The following HYCC1 variants were observed in gnomAD, a reference collection of about 807,000 sequenced individuals.
HYCC1 encodes hyccin PI4KA lipid kinase complex subunit 1, also known as hyccin.
the HYCC1 span, among the ~76,000 whole-genome samples, chr7:22,923,198 T>C: frequency 6.6e-6 from 1 of 152,136 alleles, no homozygotes; most frequent in Non-Finnish European, 1.5e-5. Flanking sequence ...AGGACATACA[T>C]AATACAAAGT....
At chr7:22,927,850 C>T in the HYCC1 span, among the ~76,000 whole-genome samples, 3 of 152,170 alleles carry the variant, frequency 2.0e-5, no homozygotes, top group Admixed American at 6.5e-5. Flanking sequence ...CCAGCATCAT[C>T]CTGATACCAA....
At chr7:22,913,906 G>T in the HYCC1 span, among the ~76,000 whole-genome samples, 6 of 152,198 alleles carry the variant, frequency 3.9e-5, no homozygotes, top group Non-Finnish European at 7.3e-5. Flanking sequence ...TCCATGAGGA[G>T]ATCCACCTAT....
the HYCC1 span, among the ~76,000 whole-genome samples, chr7:22,987,411 G>A: frequency 6.6e-6 from 1 of 152,196 alleles, no homozygotes; most frequent in Non-Finnish European, 1.5e-5. Flanking sequence ...AGCTGGGCAT[G>A]GTGGTGCACA....
chr7:22,978,248 T>G, the HYCC1 span: 1 of 1,610,232 alleles, frequency 6.2e-7, no homozygotes, highest in Non-Finnish European at 8.5e-7. Flanking sequence ...AAAGATTTTG[T>G]TAACTCCATT....
the HYCC1 span, among the ~76,000 whole-genome samples, chr7:22,930,786 T>C: frequency 6.6e-6 from 1 of 152,128 alleles, no homozygotes; most frequent in Non-Finnish European, 1.5e-5. Context: ...TTTTACACCA[T>C]TACCAAGTGG....
chr7:22,977,981 TAAGTTTACAAAATTTAAAATGC>T, the HYCC1 span, among the ~76,000 whole-genome samples: 1 of 152,198 alleles, frequency 6.6e-6, no homozygotes, highest in African/African-American at 2.4e-5. Context: ...CAATGGACTT[TAAGTTTACAAAATTTAAAATGC>T]AACACTGATA....
At chr7:22,923,931 C>CTTTCCTTG in the HYCC1 span, among the ~76,000 whole-genome samples, 129 of 143,316 alleles carry the variant, frequency 9.0e-4, no homozygotes, top group African/African-American at 3.1e-3. Flanking sequence ...CCCAGGCAGG[C>CTTTCCTTG]AGATCACTTG....
At chr7:22,947,066 G>A in the HYCC1 span, 1 of 1,550,330 alleles carries the variant, frequency 6.5e-7, no homozygotes, top group South Asian at 1.2e-5. Flanking sequence ...GCAAGCCTTT[G>A]CTCTCAGTTC....
At chr7:22,976,058 T>G in the HYCC1 span, 13 of 626,470 alleles carry the variant, frequency 2.1e-5, no homozygotes, top group Non-Finnish European at 3.7e-5. Context: ...TATAGGGAAC[T>G]TTCCATGTGT....
the HYCC1 span, among the ~76,000 whole-genome samples, chr7:22,911,174 A>C: frequency 2.0e-5 from 3 of 152,190 alleles, no homozygotes; most frequent in Non-Finnish European, 2.9e-5. Context: ...ACAAATACTG[A>C]AATTGGACCT....
At chr7:22,965,457 C>T in the HYCC1 span, among the ~76,000 whole-genome samples, 3,044 of 146,898 alleles carry the variant, frequency 0.021, 61 homozygotes, top group East Asian at 0.11. Flanking sequence ...TTTCAAGAAA[C>T]TACCATAAAC....
the HYCC1 span, among the ~76,000 whole-genome samples, chr7:22,920,918 G>C: frequency 6.6e-6 from 1 of 152,028 alleles, no homozygotes; most frequent in Non-Finnish European, 1.5e-5. Context: ...GTGAGATCTG[G>C]TTGCTTAAAA....
the HYCC1 span, among the ~76,000 whole-genome samples, chr7:22,901,388 T>A: frequency 6.6e-6 from 1 of 151,960 alleles, no homozygotes; most frequent in Non-Finnish European, 1.5e-5. Context: ...AGCCCTGACA[T>A]ATCAATAATT....
the HYCC1 span, among the ~76,000 whole-genome samples, chr7:22,901,747 T>C: frequency 1.3e-5 from 2 of 152,056 alleles, no homozygotes; most frequent in Non-Finnish European, 2.9e-5. Flanking sequence ...ATTATAAATA[T>C]GTGCCTAATA....
At chr7:22,956,374 T>C in the HYCC1 span, among the ~76,000 whole-genome samples, 3 of 151,892 alleles carry the variant, frequency 2.0e-5, no homozygotes, top group African/African-American at 7.2e-5. Context: ...ACATATTTAC[T>C]GACATAAAAT....
chr7:22,917,686 G>A, the HYCC1 span, among the ~76,000 whole-genome samples: 8 of 152,224 alleles, frequency 5.3e-5, no homozygotes, highest in African/African-American at 7.2e-5. Flanking sequence ...GTCTGATAAC[G>A]GATTGGCCTT....
chr7:22,952,788 G>C, the HYCC1 span, among the ~76,000 whole-genome samples: 2 of 151,876 alleles, frequency 1.3e-5, no homozygotes, highest in Non-Finnish European at 2.9e-5. Flanking sequence ...AGGCAGATTA[G>C]AGGAAAACAA....
chr7:22,954,650 G>A, the HYCC1 span, among the ~76,000 whole-genome samples: 1 of 151,332 alleles, frequency 6.6e-6, no homozygotes, highest in Non-Finnish European at 1.5e-5. Context: ...CATTTAGTCT[G>A]ATTGTTCACA....
chr7:22,941,267 TCA>T, the HYCC1 span: 2 of 151,992 alleles, frequency 1.3e-5, no homozygotes, highest in Non-Finnish European at 2.9e-5. Context: ...AATATTTTTT[TCA>T]GTTTTTATTT....
Sources: gnomAD v4.1 joint callset for allele counts (sites outside exome capture counted in the v4.1 genomes callset) on GRCh38, gnomAD v4.1.1 for gene constraint, MANE v1.5 for transcripts, NCBI Gene and HGNC (gene_info 2026-07-23, HGNC 2026-07-21) for gene names.